Variants in RBFOX1 observed in about 807,000 individuals in gnomAD.
RBFOX1 encodes the protein RNA binding protein fox-1 homolog 1.
RBFOX1 carries 8 observed loss-of-function variants against 57.7 expected under a neutral mutation model. The observed-to-expected ratio is 0.14, with a 90% CI of 0.08 to 0.25. RBFOX1 has a LOEUF of 0.25. Ranked by LOEUF, RBFOX1 falls within the 10% of genes least tolerant of loss-of-function variation. The pLI, the probability that RBFOX1 is intolerant of heterozygous loss-of-function variation, is 1.00. For missense variants in RBFOX1, 611 were observed against 548.5 expected (o/e 1.11, Z -1.14); for synonymous variants, 326 against 222.4 (o/e 1.47, Z -4.15).
At chr16:5,965,915 G>A (rs1010865353) in intron 4 of RBFOX1, among the ~76,000 whole-genome samples, 1 of 152,040 alleles carries the variant, frequency 6.6e-6, no homozygotes, top group Non-Finnish European at 1.5e-5. Flanking sequence ...GCTGATCCCT[G>A]AGATACCCTC....
chr16:5,812,409 A>G (rs2055466013), intron 3 of RBFOX1, among the ~76,000 whole-genome samples: 1 of 151,920 alleles, frequency 6.6e-6, no homozygotes, highest in Admixed American at 6.6e-5. Context: ...AGCAGTCTAT[A>G]AAAGTTCTAC....
intron 3 of RBFOX1, among the ~76,000 whole-genome samples, chr16:5,628,729 C>T (rs111970238): frequency 0.018 from 2,732 of 152,282 alleles, 27 homozygotes; most frequent in Non-Finnish European, 0.025. Context: ...CAGTCTCTTG[C>T]TTTTCACCTG....
chr16:5,580,861 A>C (rs187603903), intron 2 of RBFOX1, among the ~76,000 whole-genome samples: 1 of 152,186 alleles, frequency 6.6e-6, no homozygotes, highest in South Asian at 2.1e-4. Context: ...CCATTCCTCA[A>C]AAGACAGAGC....
At chr16:7,314,029 T>A (rs2096381766) in intron 4 of RBFOX1, among the ~76,000 whole-genome samples, 1 of 88,544 alleles carries the variant, frequency 1.1e-5, no homozygotes, top group African/African-American at 4.3e-5. Flanking sequence ...ACTTTGATGC[T>A]CTTCCCGATT....
intron 4 of RBFOX1, among the ~76,000 whole-genome samples, chr16:7,079,880 G>C (rs187165907): frequency 6.6e-6 from 1 of 151,862 alleles, no homozygotes; most frequent in South Asian, 2.1e-4. Flanking sequence ...TAGAATTCCA[G>C]TTTTGCAAGA....
At chr16:6,597,011 C>G (rs2097782650) in intron 2 of RBFOX1, among the ~76,000 whole-genome samples, 2 of 152,290 alleles carry the variant, frequency 1.3e-5, no homozygotes, top group South Asian at 4.1e-4. Flanking sequence ...TACTGGAAAG[C>G]TTTCTTATCA....
At chr16:7,458,913 C>T (rs1053040203) in intron 4 of RBFOX1, among the ~76,000 whole-genome samples, 1 of 152,178 alleles carries the variant, frequency 6.6e-6, no homozygotes, top group Non-Finnish European at 1.5e-5. Flanking sequence ...AAGCTCCAAC[C>T]GGGTAGATAT....
At chr16:7,034,841 C>CTTTCTTTTTTTTTTTTTTT (rs2043856073) in intron 3 of RBFOX1, among the ~76,000 whole-genome samples, 2 of 39,166 alleles carry the variant, frequency 5.1e-5, no homozygotes, top group Non-Finnish European at 4.4e-5. Context: ...TTTTTTTTTT[C>CTTTCTTTTTTTTTTTTTTT]TTTTTTCTTT....
At chr16:6,017,538 A>G (rs188843995), upstream of RBFOX1, among the ~76,000 whole-genome samples, 71 of 152,328 alleles carry the variant, frequency 4.7e-4, no homozygotes, top group Middle Eastern at 6.8e-3. Flanking sequence ...TTGCTTACAT[A>G]CAAATATATT....
chr16:5,487,754 A>G (rs917789066), intron 2 of RBFOX1, among the ~76,000 whole-genome samples: 7 of 152,274 alleles, frequency 4.6e-5, no homozygotes, highest in African/African-American at 1.7e-4. Flanking sequence ...GCTTGCCCTC[A>G]GTATGCTCTG....
chr16:7,273,328 G>T (rs1279446595), intron 4 of RBFOX1, among the ~76,000 whole-genome samples: 2 of 150,270 alleles, frequency 1.3e-5, no homozygotes, highest in African/African-American at 4.9e-5. Flanking sequence ...AGCACTCTCT[G>T]CTGTGTCTTT....
At chr16:6,792,880 A>G (rs1428807189) in intron 3 of RBFOX1, among the ~76,000 whole-genome samples, 1 of 152,006 alleles carries the variant, frequency 6.6e-6, no homozygotes, top group Non-Finnish European at 1.5e-5. Context: ...AATACAAAAA[A>G]TTAGCTGGGT....
chr16:7,137,441 T>G (rs1218796408), intron 4 of RBFOX1, among the ~76,000 whole-genome samples: 1 of 152,170 alleles, frequency 6.6e-6, no homozygotes, highest in East Asian at 1.9e-4. Context: ...GATGGTTTTA[T>G]AAGGGGAAAC....
chr16:6,338,526 A>G (rs111719796), intron 2 of RBFOX1, among the ~76,000 whole-genome samples: 245 of 152,334 alleles, frequency 1.6e-3, no homozygotes, highest in African/African-American at 5.3e-3. Context: ...GCAAAAACAA[A>G]TTCTCATACA....
intron 3 of RBFOX1, among the ~76,000 whole-genome samples, chr16:5,718,056 G>A (rs1018540450): frequency 1.3e-5 from 2 of 152,174 alleles, no homozygotes; most frequent in Non-Finnish European, 2.9e-5. Flanking sequence ...TATTGGCCAG[G>A]TGACTTGCTC....
At chr16:6,922,363 A>G (rs1054148532) in intron 3 of RBFOX1, among the ~76,000 whole-genome samples, 1 of 152,168 alleles carries the variant, frequency 6.6e-6, no homozygotes, top group Non-Finnish European at 1.5e-5. Flanking sequence ...AGCCCCTTGC[A>G]AGCCCACTAA....
At chr16:5,759,163 C>G (rs2053502579) in intron 3 of RBFOX1, among the ~76,000 whole-genome samples, 1 of 152,118 alleles carries the variant, frequency 6.6e-6, no homozygotes, top group Non-Finnish European at 1.5e-5. Context: ...AGTAGGGGTT[C>G]ATTAGCCTAA....
chr16:6,176,196 G>C (rs181936249), intron 1 of RBFOX1, among the ~76,000 whole-genome samples: 315 of 152,080 alleles, frequency 2.1e-3, no homozygotes, highest in Admixed American at 4.7e-3. Flanking sequence ...CCACGTTGGA[G>C]TGCAGTGGTG....
At chr16:6,975,276 T>G (rs970221307) in intron 3 of RBFOX1, among the ~76,000 whole-genome samples, 1 of 152,102 alleles carries the variant, frequency 6.6e-6, no homozygotes, top group African/African-American at 2.4e-5. Flanking sequence ...TTTATTATTT[T>G]TTTTTTTGAG....
Sources: allele counts gnomAD v4.1 joint callset (sites outside exome capture counted in the v4.1 genomes callset), GRCh38; gene constraint gnomAD v4.1.1; transcripts MANE v1.5; gene names NCBI Gene and HGNC (gene_info 2026-07-23, HGNC 2026-07-21).